DKK2: variants seen among roughly 807,000 people sequenced by gnomAD.
DKK2 encodes dickkopf Wnt signaling pathway inhibitor 2.
Under a neutral mutation model 28.1 loss-of-function variants are expected in DKK2, and 11 were observed. The observed-to-expected ratio is 0.39, with a 90% CI of 0.25 to 0.65. The LOEUF (loss-of-function observed/expected upper bound fraction) is 0.65, where lower values mean the gene tolerates loss of function less well. Among genes scored for constraint, DKK2 ranks in the 30% least tolerant of loss-of-function variants. The pLI, the probability that DKK2 is intolerant of heterozygous loss-of-function variation, is 0.47. For synonymous variants in DKK2, 135 were observed against 126.5 expected (o/e 1.07, Z -0.45); for missense variants, 326 against 335.5 (o/e 0.97, Z 0.22).
chr4:107,030,313 A>G (rs1374565515), intron 1 of DKK2, among the ~76,000 whole-genome samples: 1 of 152,054 alleles, frequency 6.6e-6, no homozygotes. Context: ...GGAACAGAAA[A>G]TTGACCTTTG....
intron 1 of DKK2, among the ~76,000 whole-genome samples, chr4:106,952,208 T>A (rs1024725421): frequency 6.6e-6 from 1 of 152,182 alleles, no homozygotes; most frequent in Non-Finnish European, 1.5e-5. Context: ...AAAATCTATT[T>A]ACCTTTGTAT....
In DKK2 at chr4:106,925,955, A is replaced by T; in HGVS notation, c.223-6T>A. 6.3e-7 allele frequency: 1 copy of T among 1,598,394 alleles called. No individual in the cohort carries two copies. The highest frequency in any genetic ancestry group is 8.5e-7 in the Non-Finnish European group (1 of 1,174,954). On this transcript the variant is annotated splice_region_variant and splice_polypyrimidine_tract_variant and intron_variant, in intron 1 of 3. Coordinates refer to ENST00000285311, the MANE Select transcript of DKK2 (RefSeq NM_014421.3). Reference sequence around the variant, plus strand: ...TCACTGCTACAAGGGTAGGCCTGTCATCAAGTGGAACAACACCAGAAGTAA... The same window carrying T: ...TCACTGCTACAAGGGTAGGCCTGTCTTCAAGTGGAACAACACCAGAAGTAA...
At chr4:106,978,692 C>G (rs987647819) in intron 1 of DKK2, among the ~76,000 whole-genome samples, 4 of 152,260 alleles carry the variant, frequency 2.6e-5, no homozygotes, top group South Asian at 2.1e-4. Context: ...GGGGTAGGAT[C>G]CGCTGAGCTA....
At chr4:106,979,760 C>T (rs1722998890) in intron 1 of DKK2, among the ~76,000 whole-genome samples, 1 of 152,226 alleles carries the variant, frequency 6.6e-6, no homozygotes, top group African/African-American at 2.4e-5. Context: ...TATTCCCAGC[C>T]TTACTACCGA....
At chr4:107,009,733 T>C (rs562667842) in intron 1 of DKK2, among the ~76,000 whole-genome samples, 94 of 151,886 alleles carry the variant, frequency 6.2e-4, no homozygotes, top group Non-Finnish European at 1.0e-3. Context: ...TTTAATAAAA[T>C]ACACAAGCCC....
chr4:106,999,358 T>A (rs539426295), intron 1 of DKK2, among the ~76,000 whole-genome samples: 19 of 152,190 alleles, frequency 1.2e-4, no homozygotes, highest in Non-Finnish European at 2.5e-4. Flanking sequence ...TATCTTTTTT[T>A]CTTTTTTTGA....
At chr4:106,984,222 A>T (rs1328292596) in intron 1 of DKK2, among the ~76,000 whole-genome samples, 1 of 152,194 alleles carries the variant, frequency 6.6e-6, no homozygotes, top group African/African-American at 2.4e-5. Flanking sequence ...CATCTTAACC[A>T]TTTTTAAGTG....
At position 107,035,264 on chromosome 4, in the gene DKK2, C is replaced by T. The variant is rs913340996; in HGVS notation, c.222+106G>A. ...CTCCCCAGCCGCCTGTTCTCTGTAT[C>T]TGGGGCCACGCTCCGAATGTTGCAA... On this transcript the variant is annotated intron_variant, in intron 1 of 3. Coordinates refer to ENST00000285311, the MANE Select transcript of DKK2 (RefSeq NM_014421.3). 5 of 1,341,754 alleles carry T rather than the reference C, an allele frequency of 3.7e-6. No homozygotes were observed. In the South Asian group the frequency reaches 6.8e-5, roughly 18 times the overall value. 83.1% of individuals were successfully genotyped at this position (1,341,754 alleles called of 1,614,324 possible).
At chr4:106,998,932 G>A (rs1723316233) in intron 1 of DKK2, among the ~76,000 whole-genome samples, 1 of 152,160 alleles carries the variant, frequency 6.6e-6, no homozygotes, top group African/African-American at 2.4e-5. Context: ...TAATTTGTCA[G>A]AGGAACAACA....
intron 1 of DKK2, among the ~76,000 whole-genome samples, chr4:106,953,157 C>A (rs1265672518): frequency 6.6e-6 from 1 of 152,128 alleles, no homozygotes; most frequent in African/African-American, 2.4e-5. Flanking sequence ...TGTGTTTCAA[C>A]TCCTTGTTCA....
At chr4:107,029,009 G>A (rs1280556696) in intron 1 of DKK2, among the ~76,000 whole-genome samples, 3 of 152,014 alleles carry the variant, frequency 2.0e-5, no homozygotes, top group Non-Finnish European at 4.4e-5. Flanking sequence ...GAAAGGTAGG[G>A]GTATATGGGA....
chr4:106,949,627 C>T (rs1724829162), intron 1 of DKK2, among the ~76,000 whole-genome samples: 1 of 152,158 alleles, frequency 6.6e-6, no homozygotes, highest in South Asian at 2.1e-4. Flanking sequence ...TAGCTTTACA[C>T]ATATCACTTA....
At chr4:107,021,805 A>ACAT (rs143782982) in intron 1 of DKK2, among the ~76,000 whole-genome samples, 3,723 of 152,226 alleles carry the variant, frequency 0.024, 62 homozygotes, top group Middle Eastern at 0.065. Context: ...GGAAAAACAG[A>ACAT]CATCAATTCT....
intron 1 of DKK2, among the ~76,000 whole-genome samples, chr4:106,966,093 A>T (rs890667129): frequency 5.9e-5 from 9 of 152,132 alleles, no homozygotes; most frequent in Non-Finnish European, 1.2e-4. Context: ...AGCCGCTATA[A>T]AGTAATTTAA....
At chr4:106,960,686 T>C (rs1422076546) in intron 1 of DKK2, among the ~76,000 whole-genome samples, 1 of 152,176 alleles carries the variant, frequency 6.6e-6, no homozygotes, top group Non-Finnish European at 1.5e-5. Context: ...CTGCCTGAAA[T>C]TTCAGGATAT....
chr4:106,925,667 A>G (rs565158197), intron 2 of DKK2, 132 bp downstream of exon 2: 2 of 1,203,726 alleles, frequency 1.7e-6, no homozygotes, highest in South Asian at 1.8e-5. Flanking sequence ...GTAATCTTAC[A>G]CTACCTAAAC....
chr4:106,939,187 T>C (rs1439104041), intron 1 of DKK2, among the ~76,000 whole-genome samples: 1 of 152,166 alleles, frequency 6.6e-6, no homozygotes, highest in East Asian at 1.9e-4. Context: ...TGTTTGCAGA[T>C]GACATGACTG....
chr4:106,929,924 C>T (rs1724476699), intron 1 of DKK2, among the ~76,000 whole-genome samples: 1 of 152,110 alleles, frequency 6.6e-6, no homozygotes. Context: ...GATATCATTA[C>T]TAAGAGCAAT....
intron 1 of DKK2, among the ~76,000 whole-genome samples, chr4:106,965,947 G>A (rs1037755785): frequency 1.6e-4 from 24 of 151,024 alleles, no homozygotes; most frequent in Admixed American, 6.0e-4. Context: ...ATGGCTGCAT[G>A]GTATTCCATG....
Sources: allele counts gnomAD v4.1 joint callset (sites outside exome capture counted in the v4.1 genomes callset), GRCh38; gene constraint gnomAD v4.1.1; transcripts MANE v1.5; gene names NCBI Gene and HGNC (gene_info 2026-07-23, HGNC 2026-07-21).